Variants in PTGER3 observed in about 807,000 individuals in gnomAD.
PTGER3 encodes the protein prostaglandin E receptor 3.
PTGER3 carries 22 observed loss-of-function variants against 34.7 expected under a neutral mutation model. The ratio of observed to expected loss-of-function variants is 0.63; its 90% CI spans 0.45 to 0.91. The LOEUF is 0.91. Ranked by LOEUF, PTGER3 falls within the 40% of genes least tolerant of loss-of-function variation. The pLI, the probability that PTGER3 is intolerant of heterozygous loss-of-function variation, is 0.00. For synonymous variants in PTGER3, 241 were observed against 230.1 expected (o/e 1.05, Z -0.43); for missense variants, 468 against 519.4 (o/e 0.90, Z 0.96).
chr1:71,026,613 T>C (rs1407942744), intron 1 of PTGER3, among the ~76,000 whole-genome samples: 1 of 151,448 alleles, frequency 6.6e-6, no homozygotes, highest in African/African-American at 2.4e-5. Context: ...GTCTCTTCTA[T>C]TGATTTATTT....
intron 4 of PTGER3, among the ~76,000 whole-genome samples, chr1:70,913,691 A>T (rs1343213065): frequency 6.6e-6 from 1 of 151,944 alleles, no homozygotes; most frequent in Non-Finnish European, 1.5e-5. Flanking sequence ...TATCAGGAAT[A>T]AATATAGATT....
chr1:70,974,756 G>C (rs1653516914), intron 2 of PTGER3, among the ~76,000 whole-genome samples: 1 of 152,174 alleles, frequency 6.6e-6, no homozygotes, highest in Non-Finnish European at 1.5e-5. Flanking sequence ...ATAAAGAATA[G>C]AATTCCTAAC....
At chr1:70,928,531 A>T (rs1057454539) in intron 4 of PTGER3, among the ~76,000 whole-genome samples, 2 of 151,902 alleles carry the variant, frequency 1.3e-5, no homozygotes, top group Non-Finnish European at 2.9e-5. Flanking sequence ...TACTCAGGGG[A>T]CTAAGGTTGG....
chr1:70,898,137 G>A (rs1451855303), intron 4 of PTGER3, among the ~76,000 whole-genome samples: 1 of 152,042 alleles, frequency 6.6e-6, no homozygotes, highest in African/African-American at 2.4e-5. Flanking sequence ...GTCCATTTGA[G>A]CCTTGTTGCC....
At chr1:70,872,716 A>G (rs1233339135) in intron 4 of PTGER3, among the ~76,000 whole-genome samples, 3 of 152,188 alleles carry the variant, frequency 2.0e-5, no homozygotes, top group Non-Finnish European at 4.4e-5. Flanking sequence ...ATTAACAAAA[A>G]TTGTTCTCAT....
intron 4 of PTGER3, among the ~76,000 whole-genome samples, chr1:70,926,050 C>T (rs1408334526): frequency 1.3e-5 from 2 of 152,042 alleles, no homozygotes; most frequent in Non-Finnish European, 2.9e-5. Flanking sequence ...ATAAAATGCT[C>T]ATATTTCTGT....
At chr1:70,975,994 G>A (rs1358312053) in intron 2 of PTGER3, among the ~76,000 whole-genome samples, 2 of 152,062 alleles carry the variant, frequency 1.3e-5, no homozygotes, top group Non-Finnish European at 2.9e-5. Flanking sequence ...TTATTTAGAG[G>A]CCTGCTTTAA....
At chr1:70,929,907 T>C (rs1054979079) in intron 4 of PTGER3, among the ~76,000 whole-genome samples, 3 of 152,170 alleles carry the variant, frequency 2.0e-5, no homozygotes, top group African/African-American at 7.2e-5. Context: ...GAAGAAACCA[T>C]TCTGAACTAT....
At chr1:70,999,225 A>G (rs1379783871) in intron 2 of PTGER3, among the ~76,000 whole-genome samples, 2 of 152,158 alleles carry the variant, frequency 1.3e-5, no homozygotes, top group African/African-American at 4.8e-5. Flanking sequence ...CACTTTATAT[A>G]TCTATGGATA....
intron 4 of PTGER3, among the ~76,000 whole-genome samples, chr1:70,892,567 G>A (rs1165935736): frequency 2.0e-5 from 3 of 152,112 alleles, no homozygotes; most frequent in African/African-American, 7.2e-5. Context: ...ACCTCCTTAG[G>A]AGGTGGCTCA....
chr1:70,865,584 CAG>C, intron 4 of PTGER3: 1 of 1,230,664 alleles, frequency 8.1e-7, no homozygotes, highest in South Asian at 1.3e-5. Context: ...GGTGGGACAA[CAG>C]AGATGAAAGA....
rs1042745164 is a variant in PTGER3, at chr1:70,935,668, TATAA to T, written c.*23+18091_*23+18094del. 1.3e-3 allele frequency among the ~76,000 whole-genome samples: 117 copies of T among 92,954 alleles called. 2 individuals are homozygous for T. The highest frequency in any genetic ancestry group is 4.0e-3 in the African/African-American group (111 of 27,842). The allele number at this position is 92,954 out of a possible 152,430, so 61.0% of individuals were successfully genotyped here. On this transcript the variant is annotated intron_variant, in intron 4 of 4. Coordinates refer to the PTGER3 transcript ENST00000370931. ...ATTGTGTTGGTACTAAGGATACAAA[TATAA>T]ATATATATATATATATATATATGTT...
At chr1:70,862,860 C>T (rs1051188212) in intron 4 of PTGER3, among the ~76,000 whole-genome samples, 17 of 152,184 alleles carry the variant, frequency 1.1e-4, no homozygotes, top group African/African-American at 3.6e-4. Flanking sequence ...GAACAAACAG[C>T]GGATAACTGA....
chr1:71,020,109 C>CT (rs1335818152), intron 1 of PTGER3, among the ~76,000 whole-genome samples: 3 of 152,136 alleles, frequency 2.0e-5, no homozygotes, highest in African/African-American at 7.2e-5. Flanking sequence ...TGGGAAGAAG[C>CT]TTCACTGTGG....
intron 2 of PTGER3, among the ~76,000 whole-genome samples, chr1:71,001,172 T>C (rs1656448769): frequency 6.6e-6 from 1 of 151,844 alleles, no homozygotes; most frequent in Non-Finnish European, 1.5e-5. Flanking sequence ...ATGCACATAG[T>C]ATTTTAATAA....
chr1:71,034,150 G>C (rs1317181568), intron 1 of PTGER3, among the ~76,000 whole-genome samples: 1 of 150,270 alleles, frequency 6.7e-6, no homozygotes, highest in African/African-American at 2.5e-5. Context: ...TTTATTTTGA[G>C]TGAGAAGAAT....
At chr1:71,035,065 A>G (rs1481341447) in intron 1 of PTGER3, among the ~76,000 whole-genome samples, 1 of 152,222 alleles carries the variant, frequency 6.6e-6, no homozygotes, top group Non-Finnish European at 1.5e-5. Context: ...ATTTCCTATT[A>G]TTAAGGGTGT....
chr1:70,926,727 A>G lies in PTGER3; in HGVS notation c.*23+27036T>C, dbSNP rs545535243. 1.5e-3 allele frequency among the ~76,000 whole-genome samples: 225 copies of G among 151,782 alleles called. 2 individuals are homozygous for G. The highest frequency in any genetic ancestry group is 5.1e-3 in the African/African-American group (210 of 41,222). ...AACTTCCAACACTATGTTGAATAGGAGTGGTGAGAGAGGGCATCCCTGTCT... is the reference window on the plus strand; with the variant it reads ...AACTTCCAACACTATGTTGAATAGGGGTGGTGAGAGAGGGCATCCCTGTCT... On this transcript the variant is annotated intron_variant, in intron 4 of 4. Transcript: ENST00000370931.
downstream of PTGER3, chr1:70,952,394 T>TA (rs1451098234): frequency 2.0e-6 from 2 of 981,428 alleles, no homozygotes; most frequent in East Asian, 1.1e-4. Flanking sequence ...ATGTAGGTTT[T>TA]ATAGAGTCCT....
Sources: allele counts gnomAD v4.1 joint callset (sites outside exome capture counted in the v4.1 genomes callset), GRCh38; gene constraint gnomAD v4.1.1; transcripts MANE v1.5; gene names NCBI Gene and HGNC (gene_info 2026-07-23, HGNC 2026-07-21).